Variants in PDE4A observed in about 807,000 individuals in gnomAD.
PDE4A encodes phosphodiesterase 4A, also known as 3',5'-cyclic-AMP phosphodiesterase 4A.
A neutral mutation model predicts 73.9 loss-of-function variants in PDE4A; 21 were observed. The ratio of observed to expected loss-of-function variants is 0.28; its 90% CI spans 0.20 to 0.41. The LOEUF (loss-of-function observed/expected upper bound fraction) is 0.41, where lower values mean the gene tolerates loss of function less well. Ranked by LOEUF, PDE4A falls within the 10% of genes least tolerant of loss-of-function variation. The probability of loss-of-function intolerance (pLI) is 1.00; values close to 1 mark genes in which losing one functional copy is unlikely to be tolerated. For synonymous variants in PDE4A, 463 were observed against 505.4 expected (o/e 0.92, Z 1.13); for missense variants, 958 against 1,211.4 (o/e 0.79, Z 3.10).
At chr19:10,465,011 C>G (rs2043340504) in intron 14 of PDE4A, among the ~76,000 whole-genome samples, 1 of 152,092 alleles carries the variant, frequency 6.6e-6, no homozygotes, top group Non-Finnish European at 1.5e-5. Flanking sequence ...GCCACCCTGC[C>G]TGGCCCCTCC....
At chr19:10,442,816 A>G (rs7255511) in intron 1 of PDE4A, among the ~76,000 whole-genome samples, 3,465 of 148,648 alleles carry the variant, frequency 0.023, 132 homozygotes, top group African/African-American at 0.079. Context: ...CTAATATTAC[A>G]TATATAATAT....
At chr19:10,419,226 T>TGGGG (rs372713857), upstream of PDE4A, 3 of 37,988 alleles carry the variant, frequency 7.9e-5, no homozygotes, top group East Asian at 6.8e-4. Flanking sequence ...CTTATCGGCG[T>TGGGG]GGGGGGGGGG....
At chr19:10,431,665 G>A (rs2042790361) in intron 1 of PDE4A, among the ~76,000 whole-genome samples, 1 of 152,034 alleles carries the variant, frequency 6.6e-6, no homozygotes, top group South Asian at 2.1e-4. Flanking sequence ...GGGCTTCTCC[G>A]GGTCCTCAGC....
rs375218030 is a variant in PDE4A, at chr19:10,453,302, G to C, written c.784-1527G>C. 8 of 1,613,444 alleles carry C rather than the reference G, an allele frequency of 5.0e-6. No homozygotes were observed. In the African/African-American group the frequency reaches 9.3e-5, roughly 19 times the overall value. On this transcript the variant is annotated intron_variant, in intron 6 of 14. Transcript: ENST00000380702. The surrounding 1 kb of genome is among the most constrained non-coding windows in gnomAD (Gnocchi z 4.6). ...ATTTCTTCTGCGAGACCTGCTCTAA[G>C]CCTTGGCTGGTGGGCTGGTGGGACC...
rs558236637 is a variant in PDE4A, at chr19:10,428,313, G to A, written c.320+7229G>A. On this transcript the variant is annotated intron_variant, in intron 1 of 14. Coordinates refer to ENST00000380702, the MANE Select transcript of PDE4A (RefSeq NM_001111307.2). ...GTTGAGACTGCAGTGAGCTATGATC[G>A]TGCCACTGTACTCCAGCCTCGATGA... is the stretch of plus-strand genomic sequence containing the variant. Among the ~76,000 whole-genome samples the A allele has an allele frequency of 5.6e-4, 85 of 151,898 alleles. 2 individuals carry two copies. In the South Asian group the frequency reaches 0.015, roughly 26 times the overall value.
intron 7 of PDE4A, among the ~76,000 whole-genome samples, chr19:10,455,231 G>A (rs548669093): frequency 4.6e-4 from 70 of 152,316 alleles, no homozygotes; most frequent in African/African-American, 1.6e-3. Flanking sequence ...GGGAGGCTGA[G>A]GCAGGCGGAT....
intron 2 of PDE4A, among the ~76,000 whole-genome samples, chr19:10,447,217 C>CTTTTTTTTTTT: frequency 1.7e-5 from 1 of 59,200 alleles, no homozygotes; most frequent in Non-Finnish European, 2.9e-5. Context: ...CTTTTTTTCT[C>CTTTTTTTTTTT]TTTTTTTTTT....
In PDE4A at chr19:10,454,848, G is replaced by A. The variant is rs770030861; in HGVS notation, c.803G>A (p.Arg268His). The change falls in exon 7 of 15, where the codon CGT becomes CAT. Residue 268 changes from arginine (R) to histidine (H), a missense_variant. By Grantham distance (29) the Arg-to-His change is conservative. Coordinates refer to ENST00000380702, the MANE Select transcript of PDE4A (RefSeq NM_001111307.2). ...ASHKFKRMLNRELTHLSEMSR... is the reference protein window; with the variant it reads ...ASHKFKRMLNHELTHLSEMSR... ...CCTTAGTTCAAAAGGATGTTGAACC[G>A]TGAGCTCACACACCTGTCAGAAATG... 1.2e-6 allele frequency: 2 copies of A among 1,614,020 alleles called. No individual in the cohort carries two copies. Among genetic ancestry groups the A allele is most frequent in the Non-Finnish European group, 1.7e-6 (2 of 1,179,948 alleles).
In PDE4A at chr19:10,450,622, C is replaced by G. The variant is rs759580657; in HGVS notation, c.640C>G (p.Pro214Ala). 5 of 1,609,944 alleles carry G rather than the reference C, an allele frequency of 3.1e-6. No homozygotes were observed. Among genetic ancestry groups the G allele is most frequent in the Middle Eastern group, 1.8e-4 (1 of 5,632 alleles). ...PSNKRSPLGGPTPVCKATLSE... is the reference protein window; with the variant it reads ...PSNKRSPLGGATPVCKATLSE... Reference sequence around the variant, plus strand: ...CTGCAGGCGGTCCCCGCTGGGCGGCCCCACCCCTGTCTGCAAGGCCACGCT... The same window carrying G: ...CTGCAGGCGGTCCCCGCTGGGCGGCGCCACCCCTGTCTGCAAGGCCACGCT... The change falls in exon 5 of 15, where the codon CCC becomes GCC. Residue 214 changes from proline (P) to alanine (A), a missense_variant. Coordinates refer to ENST00000380702, the MANE Select transcript of PDE4A (RefSeq NM_001111307.2).
chr19:10,435,715 T>A (rs2042857199), intron 1 of PDE4A, among the ~76,000 whole-genome samples: 1 of 152,174 alleles, frequency 6.6e-6, no homozygotes, highest in African/African-American at 2.4e-5. Context: ...CCCCTGTGTC[T>A]GGGTTGCAAC....
rs2043122363 is a variant in PDE4A, at chr19:10,453,306, T to TGGCTGGTG, written c.784-1512_784-1505dup. On this transcript the variant is annotated intron_variant, in intron 6 of 14. Coordinates refer to ENST00000380702, the MANE Select transcript of PDE4A (RefSeq NM_001111307.2). The surrounding 1 kb of genome is among the most constrained non-coding windows in gnomAD (Gnocchi z 4.6). ...CTTCTGCGAGACCTGCTCTAAGCCT[T>TGGCTGGTG]GGCTGGTGGGCTGGTGGGACCAGGT... The TGGCTGGTG allele has an allele frequency of 2.5e-6, 4 of 1,613,132 alleles. No homozygotes were observed. The highest frequency in any genetic ancestry group is 3.4e-6 in the Non-Finnish European group (4 of 1,179,576).
At chr19:10,456,727 T>G (rs1384048903) in intron 7 of PDE4A, among the ~76,000 whole-genome samples, 1 of 151,662 alleles carries the variant, frequency 6.6e-6, no homozygotes, top group African/African-American at 2.4e-5. Flanking sequence ...GATTCCTAAT[T>G]CAATGGAACC....
intron 14 of PDE4A, 173 bp from the exon 15 acceptor site, chr19:10,466,714 G>A: frequency 1.2e-5 from 6 of 498,246 alleles, no homozygotes; most frequent in Non-Finnish European, 1.6e-5. Flanking sequence ...GGCTGGTCTC[G>A]AACTCCTGAC....
At position 10,421,194 on chromosome 19, in the gene PDE4A, T is replaced by G; in HGVS notation, c.320+110T>G. The G allele has an allele frequency of 3.0e-6, 4 of 1,332,658 alleles. No individual in the cohort carries two copies. The South Asian group carries it at 7.9e-5, about 26-fold the overall frequency. The allele number at this position is 1,332,658 out of a possible 1,614,324, so 82.6% of individuals were successfully genotyped here. ...AGGATGCGGGTGGGGTCGGTTTGGCTGGCGGGGGCGGAGGGAATTCGGCTG... is the reference window on the plus strand; with the variant it reads ...AGGATGCGGGTGGGGTCGGTTTGGCGGGCGGGGGCGGAGGGAATTCGGCTG... On this transcript the variant is annotated intron_variant, in intron 1 of 14. Transcript: ENST00000380702.
Position 10,467,462 on chromosome 19 carries a change from G to C in PDE4A, c.2502G>C (p.Pro834=), listed in dbSNP as rs199868672. The change falls in exon 15 of 15, where the codon CCG becomes CCC. Residue 834 remains proline (P), a synonymous_variant. Coordinates refer to ENST00000380702, the MANE Select transcript of PDE4A (RefSeq NM_001111307.2). ...WRTLSVSEHA[P]GLPGLPSTAA... ...CCCTGTCTGTTTCAGAGCATGCCCC[G>C]GGCCTCCCGGGCCTCCCCTCCACGG... 1 of 1,613,034 alleles carries C rather than the reference G, an allele frequency of 6.2e-7. No individual in the cohort carries two copies.
At chr19:10,456,371 CA>C (rs1474217160) in intron 7 of PDE4A, among the ~76,000 whole-genome samples, 1 of 151,836 alleles carries the variant, frequency 6.6e-6, no homozygotes, top group African/African-American at 2.4e-5. Flanking sequence ...ACTAAAAATA[CA>C]AAAATTAGCT....
Position 10,453,083 on chromosome 19 carries a change from T to C in PDE4A, c.784-1746T>C. 1 of 1,343,794 alleles carries C rather than the reference T, an allele frequency of 7.4e-7. No homozygotes were observed. 83.2% of individuals were successfully genotyped at this position (1,343,794 alleles called of 1,614,324 possible). A position where few individuals can be genotyped will look rare whatever the true frequency, so the allele number is the denominator to read the frequency against. On this transcript the variant is annotated intron_variant, in intron 6 of 14. Transcript: ENST00000380702. This position sits in a 1 kb window ranked among gnomAD's most constrained non-coding sequence, Gnocchi z 4.6. ...GGCTGGCGGGCCATGTAACCAGGGC[T>C]GCTGCTGGGAGCGCGGAGGGGAAGG...
At position 10,459,626 on chromosome 19, in the gene PDE4A, C is replaced by T; in HGVS notation, c.1232C>T (p.Pro411Leu). The change falls in exon 10 of 15, where the codon CCT becomes CTT. Residue 411 changes from proline to leucine, a missense_variant. Around this residue, in one of 3 missense-constraint regions of PDE4A, gnomAD observed 570 missense variants for 827.7 expected, o/e 0.69. Coordinates refer to ENST00000380702, the MANE Select transcript of PDE4A (RefSeq NM_001111307.2). Reference protein sequence around the residue: ...ERDLLKKFRIPVDTMVTYMLT... With the variant: ...ERDLLKKFRILVDTMVTYMLT... ...GACCTGCTGAAGAAATTCCGCATCCCTGTGGACACGATGGTGACATACATG... is the reference window on the plus strand; with the variant it reads ...GACCTGCTGAAGAAATTCCGCATCCTTGTGGACACGATGGTGACATACATG... 1 of 1,614,252 alleles carries T rather than the reference C, an allele frequency of 6.2e-7. No homozygotes were observed. Among genetic ancestry groups the T allele is most frequent in the Non-Finnish European group, 8.5e-7 (1 of 1,180,038 alleles).
intron 7 of PDE4A, among the ~76,000 whole-genome samples, chr19:10,456,263 C>T (rs2043168698): frequency 6.6e-6 from 1 of 151,998 alleles, no homozygotes; most frequent in Non-Finnish European, 1.5e-5. Context: ...CGCAGTGGCT[C>T]ACGCCTGTAA....
Sources: gnomAD v4.1 joint callset for allele counts (sites outside exome capture counted in the v4.1 genomes callset) on GRCh38, gnomAD v4.1.1 for gene constraint, gnomAD v4.1.1 regional missense constraint, Gnocchi (gnomAD v3.1) non-coding constraint, MANE v1.5 for transcripts, NCBI Gene and HGNC (gene_info 2026-07-23, HGNC 2026-07-21) for gene names.